ADAM19: variants seen among roughly 807,000 people sequenced by gnomAD.
The protein encoded by ADAM19 is ADAM metallopeptidase domain 19.
Under a neutral mutation model 114.7 loss-of-function variants are expected in ADAM19, and 65 were observed. The ratio of observed to expected loss-of-function variants is 0.57; its 90% CI spans 0.46 to 0.70. ADAM19 has a LOEUF of 0.70. Ranked by LOEUF, ADAM19 falls within the 30% of genes least tolerant of loss-of-function variation. The pLI, the probability that ADAM19 is intolerant of heterozygous loss-of-function variation, is 0.00. For synonymous variants in ADAM19, 466 were observed against 460.5 expected (o/e 1.01, Z -0.15); for missense variants, 1,063 against 1,204.7 (o/e 0.88, Z 1.74).
chr5:157,492,850 G>C (rs969538574), intron 16 of ADAM19, 123 bp downstream of exon 16: 7 of 993,248 alleles, frequency 7.0e-6, no homozygotes, highest in African/African-American at 1.6e-5. Flanking sequence ...TTCATGAAGG[G>C]AGCCACCAAG....
intron 3 of ADAM19, among the ~76,000 whole-genome samples, chr5:157,538,336 G>A (rs914149414): frequency 3.3e-5 from 5 of 152,180 alleles, no homozygotes; most frequent in African/African-American, 1.2e-4. Context: ...ACCCTGTTGT[G>A]TACCGTGGTT....
At chr5:157,551,021 T>C (rs1365966543) in intron 3 of ADAM19, among the ~76,000 whole-genome samples, 1 of 152,164 alleles carries the variant, frequency 6.6e-6, no homozygotes, top group Non-Finnish European at 1.5e-5. Flanking sequence ...CTTCAATAAA[T>C]GGTGGGAAAA....
chr5:157,509,767 G>A (rs530729371), intron 8 of ADAM19, among the ~76,000 whole-genome samples: 2 of 152,282 alleles, frequency 1.3e-5, no homozygotes, highest in African/African-American at 4.8e-5. Flanking sequence ...CAGTGACTTT[G>A]TTTAGAGATG....
chr5:157,502,714 A>T (rs1364617041), intron 12 of ADAM19, 89 bp downstream of exon 12: 1 of 1,463,172 alleles, frequency 6.8e-7, no homozygotes, highest in East Asian at 2.3e-5. Context: ...CCTGTGACTA[A>T]GAAATTTTCA....
At chr5:157,490,817 G>A (rs2863746) in intron 18 of ADAM19, among the ~76,000 whole-genome samples, 11,392 of 151,478 alleles carry the variant, frequency 0.075, 584 homozygotes, top group South Asian at 0.19. Flanking sequence ...ACTTGAACCC[G>A]GGAGGCGGAG....
At chr5:157,554,522 A>G (rs1329680291) in intron 3 of ADAM19, among the ~76,000 whole-genome samples, 1 of 152,224 alleles carries the variant, frequency 6.6e-6, no homozygotes, top group Non-Finnish European at 1.5e-5. Flanking sequence ...ACTGGAGAAC[A>G]CTGCAAAGCA....
At chr5:157,566,070 C>T (rs11465260) in intron 2 of ADAM19, 19,704 of 148,416 alleles carry the variant, frequency 0.13, 1,368 homozygotes, top group Middle Eastern at 0.24. Context: ...GAGCATGCCA[C>T]TGCACTCCAG....
At position 157,549,483 on chromosome 5, in the gene ADAM19, C is replaced by T. The variant is rs1248635642; in HGVS notation, c.252-11492G>A. 3.3e-5 allele frequency among the ~76,000 whole-genome samples: 5 copies of T among 152,282 alleles called. No homozygotes were observed. The East Asian group carries it at 9.6e-4, about 29-fold the overall frequency. ...ACACATTGTTTTCTCAGTCTGAATT[C>T]CTTTCTCATTCTCCATTCATCTCAT... On this transcript the variant is annotated intron_variant, in intron 3 of 22. Coordinates refer to ENST00000257527, the MANE Select transcript of ADAM19 (RefSeq NM_033274.5).
At chr5:157,565,364 A>C (rs1757628070) in intron 2 of ADAM19, among the ~76,000 whole-genome samples, 1 of 152,236 alleles carries the variant, frequency 6.6e-6, no homozygotes, top group Admixed American at 6.5e-5. Flanking sequence ...TACCACTGAG[A>C]ATTTAAACTG....
Position 157,570,949 on chromosome 5 carries a change from C to T in ADAM19, c.126G>A (p.Gln42=), listed in dbSNP as rs1400252337. 8 of 1,614,158 alleles carry T rather than the reference C, an allele frequency of 5.0e-6. No homozygotes were observed. Among genetic ancestry groups the T allele is most frequent in the Non-Finnish European group, 5.9e-6 (7 of 1,180,020 alleles). The change falls in exon 2 of 23, where the codon CAG becomes CAA. Residue 42 remains glutamine (Q), a synonymous_variant. Transcript: ENST00000257527. ...TCCACTGAGGTATGATAAGTTCATG[C>T]TGCAGCTTGGGGCTGCCTTCCTCAC... The part of the protein sequence containing the change: ...RGSEEGSPKL[Q]HELIIPQWKT...
chr5:157,571,709 G>A (rs896219964), intron 1 of ADAM19, among the ~76,000 whole-genome samples: 3 of 152,152 alleles, frequency 2.0e-5, no homozygotes, highest in African/African-American at 7.2e-5. Context: ...GGAAGGCCAG[G>A]CTAGAGATAT....
At chr5:157,528,686 AGT>A (rs1203671231) in intron 5 of ADAM19, among the ~76,000 whole-genome samples, 1 of 152,212 alleles carries the variant, frequency 6.6e-6, no homozygotes, top group African/African-American at 2.4e-5. Flanking sequence ...TGGGACCTGC[AGT>A]GTGAGAAACC....
intron 3 of ADAM19, among the ~76,000 whole-genome samples, chr5:157,552,399 C>T (rs1157069962): frequency 1.3e-5 from 2 of 150,942 alleles, no homozygotes; most frequent in Non-Finnish European, 3.0e-5. Flanking sequence ...TGCCTGTAAT[C>T]CTAGCACTTT....
In ADAM19 at chr5:157,478,587, T is replaced by C. The variant is rs1236945105; in HGVS notation, c.*2362A>G. The stretch of plus-strand genomic sequence containing the variant: ...CACCTCAAAACAGCATACTGGGCAC[T>C]GGAAAGAAAAGGGGATGCATAATGG... On this transcript the variant is annotated 3_prime_UTR_variant, in exon 23 of 23. Transcript: ENST00000257527. The C allele has an allele frequency of 2.0e-6, 2 of 985,600 alleles. No homozygotes were observed. Among genetic ancestry groups the C allele is most frequent in the South Asian group, 9.4e-5 (2 of 21,290 alleles). The allele number at this position is 985,600 out of a possible 1,614,324, so 61.1% of individuals were successfully genotyped here. A position where few individuals can be genotyped will look rare whatever the true frequency, so the allele number is the denominator to read the frequency against.
intron 3 of ADAM19, among the ~76,000 whole-genome samples, chr5:157,541,073 C>T (rs992182905): frequency 5.9e-5 from 9 of 152,152 alleles, no homozygotes; most frequent in Non-Finnish European, 1.0e-4. Context: ...GGTCCACATA[C>T]GCCCATGTGT....
rs1333157678 is a variant in ADAM19, at chr5:157,478,686, C to G, written c.*2263G>C. 1.0e-6 allele frequency: 1 copy of G among 985,756 alleles called. No homozygotes were observed. Among genetic ancestry groups the G allele is most frequent in the East Asian group, 1.1e-4 (1 of 8,834 alleles). The allele number at this position is 985,756 out of a possible 1,614,324, so 61.1% of individuals were successfully genotyped here. A position where few individuals can be genotyped will look rare whatever the true frequency, so the allele number is the denominator to read the frequency against. On this transcript the variant is annotated 3_prime_UTR_variant, in exon 23 of 23. Coordinates refer to ENST00000257527, the MANE Select transcript of ADAM19 (RefSeq NM_033274.5). Reference sequence around the variant, plus strand: ...ATTAGTAGAACTGGTTGCCGAAAGTCTATCAAATTCCAAAACATTCCACCA... The same window carrying G: ...ATTAGTAGAACTGGTTGCCGAAAGTGTATCAAATTCCAAAACATTCCACCA...
intron 3 of ADAM19, among the ~76,000 whole-genome samples, chr5:157,546,841 C>A (rs1226996027): frequency 6.6e-6 from 1 of 152,114 alleles, no homozygotes; most frequent in Non-Finnish European, 1.5e-5. Context: ...TCATAAAGAC[C>A]CCATTTCTCC....
At chr5:157,562,820 G>C (rs1377467083) in intron 3 of ADAM19, among the ~76,000 whole-genome samples, 1 of 152,144 alleles carries the variant, frequency 6.6e-6, no homozygotes, top group Non-Finnish European at 1.5e-5. Context: ...CAAAATAGGA[G>C]GGAAGGATAG....
intron 3 of ADAM19, among the ~76,000 whole-genome samples, chr5:157,557,676 C>T (rs57738780): frequency 0.014 from 2,131 of 152,262 alleles, 44 homozygotes; most frequent in African/African-American, 0.049. Flanking sequence ...CAGCAGATTT[C>T]GTGTCTAGTG....
Sources: gnomAD v4.1 joint callset for allele counts (sites outside exome capture counted in the v4.1 genomes callset) on GRCh38, gnomAD v4.1.1 for gene constraint, MANE v1.5 for transcripts, NCBI Gene and HGNC (gene_info 2026-07-23, HGNC 2026-07-21) for gene names.